Variants in FAM193A observed in about 807,000 individuals in gnomAD.
FAM193A encodes protein FAM193A.
A neutral mutation model predicts 126.5 loss-of-function variants in FAM193A; 22 were observed. The observed-to-expected ratio is 0.17, with a 90% CI of 0.12 to 0.25. The LOEUF (loss-of-function observed/expected upper bound fraction) is 0.25. Ranked by LOEUF, FAM193A falls within the 10% of genes least tolerant of loss-of-function variation. The probability of loss-of-function intolerance (pLI) is 1.00; values close to 1 mark genes in which losing one functional copy is unlikely to be tolerated. For missense variants in FAM193A, 1,675 were observed against 1,672.8 expected (o/e 1.00, Z -0.02); for synonymous variants, 761 against 646.8 (o/e 1.18, Z -2.68).
chr4:2,635,888 G>C (rs1198667665), intron 5 of FAM193A, among the ~76,000 whole-genome samples: 1 of 152,152 alleles, frequency 6.6e-6, no homozygotes, highest in Admixed American at 6.6e-5. Context: ...AGATCTCTCT[G>C]TAAAAGCAGT....
chr4:2,695,394 A>G (rs1225599346), intron 17 of FAM193A, among the ~76,000 whole-genome samples: 1 of 152,212 alleles, frequency 6.6e-6, no homozygotes, highest in Non-Finnish European at 1.5e-5. Context: ...GTTGTTAACC[A>G]TGGTGTATCC....
Position 2,631,139 on chromosome 4 carries a change from A to G in FAM193A, c.1008A>G (p.Ala336=), listed in dbSNP as rs1446693142. The G allele has an allele frequency of 6.2e-7, 1 of 1,612,896 alleles. No homozygotes were observed. The highest frequency in any genetic ancestry group is 8.5e-7 in the Non-Finnish European group (1 of 1,179,516). Residue 336 remains alanine, a synonymous_variant, in exon 5 of 21, where the codon GCA becomes GCG. Transcript: ENST00000637812. ...AGTACGGCGCCCTCTGCCAGGCCGC[A>G]CGCTCCATCAGCACCTTCCTTGGCA... The part of the protein sequence containing the change: ...LEEYGALCQA[A]RSISTFLGTL...
At chr4:2,543,882 A>C (rs1038243352) in intron 1 of FAM193A, among the ~76,000 whole-genome samples, 1 of 151,060 alleles carries the variant, frequency 6.6e-6, no homozygotes. Context: ...AAAAAAAAAA[A>C]AAAAAAAAAA....
intron 16 of FAM193A, 45 bp downstream of exon 16, chr4:2,693,919 G>C (rs1560577129): frequency 1.3e-6 from 2 of 1,575,420 alleles, no homozygotes; most frequent in East Asian, 2.2e-5. Context: ...TTTGGAAAAT[G>C]GGTGTTATGC....
chr4:2,725,891 TTTTTA>T (rs1303820017), intron 20 of FAM193A, among the ~76,000 whole-genome samples: 5 of 151,374 alleles, frequency 3.3e-5, no homozygotes, highest in Non-Finnish European at 4.4e-5. Context: ...TTTATTTTTA[TTTTTA>T]TTTTATTATT....
At chr4:2,583,876 A>C (rs1740086663) in intron 1 of FAM193A, among the ~76,000 whole-genome samples, 1 of 152,134 alleles carries the variant, frequency 6.6e-6, no homozygotes, top group Admixed American at 6.5e-5. Flanking sequence ...GCTGTTTTGC[A>C]CTGTAAGGTT....
At chr4:2,545,664 A>G (rs1391188826) in intron 1 of FAM193A, among the ~76,000 whole-genome samples, 1 of 152,180 alleles carries the variant, frequency 6.6e-6, no homozygotes, top group African/African-American at 2.4e-5. Flanking sequence ...AGAAATTAAC[A>G]TGTAGCAAAA....
chr4:2,716,461 T>C (rs1298560675), intron 20 of FAM193A, among the ~76,000 whole-genome samples: 1 of 151,660 alleles, frequency 6.6e-6, no homozygotes, highest in African/African-American at 2.4e-5. Context: ...TACTTAGACC[T>C]GTCGGATCAG....
chr4:2,673,286 G>A (rs76314880), intron 13 of FAM193A, among the ~76,000 whole-genome samples: 3,552 of 152,286 alleles, frequency 0.023, 57 homozygotes, highest in Middle Eastern at 0.048. Flanking sequence ...AAAGGGAGGA[G>A]GACATGACAT....
chr4:2,696,650 C>T lies in FAM193A; in HGVS notation c.3507+57C>T, dbSNP rs577846726. On this transcript the variant is annotated intron_variant, in intron 18 of 20. Coordinates refer to ENST00000637812, the MANE Select transcript of FAM193A (RefSeq NM_001366318.2). ...CAGGTCTGAGGGCATTTGAAGGTGC[C>T]GTGCCACGCCAGTCTCTAGGCAGGG... The T allele has an allele frequency of 6.9e-5, 94 of 1,356,814 alleles. No homozygotes were observed. The East Asian group carries it at 9.5e-4, about 14-fold the overall frequency. 84.0% of individuals were successfully genotyped at this position (1,356,814 alleles called of 1,614,324 possible).
At chr4:2,670,142 C>A (rs1459065240) in intron 12 of FAM193A, among the ~76,000 whole-genome samples, 1 of 152,212 alleles carries the variant, frequency 6.6e-6, no homozygotes, top group Non-Finnish European at 1.5e-5. Context: ...TCTCTTCTCT[C>A]TCTTCCTAGA....
chr4:2,677,426 G>T (rs1329319667), intron 13 of FAM193A, among the ~76,000 whole-genome samples: 1 of 151,120 alleles, frequency 6.6e-6, no homozygotes, highest in African/African-American at 2.5e-5. Flanking sequence ...GTTTTGTTTT[G>T]TTTTTGTTTT....
intron 1 of FAM193A, among the ~76,000 whole-genome samples, chr4:2,560,692 T>A (rs1229287548): frequency 1.3e-5 from 2 of 152,256 alleles, no homozygotes; most frequent in Non-Finnish European, 2.9e-5. Flanking sequence ...TACGTTATCT[T>A]GAGGCTTCTG....
chr4:2,639,105 A>G (rs748697612), intron 5 of FAM193A, among the ~76,000 whole-genome samples: 25 of 152,156 alleles, frequency 1.6e-4, no homozygotes, highest in East Asian at 5.8e-4. Flanking sequence ...AATGGCATCA[A>G]CCTCAGTGAT....
intron 1 of FAM193A, among the ~76,000 whole-genome samples, chr4:2,567,490 T>C (rs1161871923): frequency 6.6e-6 from 1 of 152,196 alleles, no homozygotes; most frequent in Non-Finnish European, 1.5e-5. Flanking sequence ...TCAACCAAGA[T>C]TTTTAAAATA....
chr4:2,668,306 C>T (rs1324895586), intron 12 of FAM193A, among the ~76,000 whole-genome samples: 1 of 151,600 alleles, frequency 6.6e-6, no homozygotes, highest in Non-Finnish European at 1.5e-5. Flanking sequence ...CTCTGCTTCC[C>T]AGGTTCAAGT....
chr4:2,700,726 C>G (rs1352738990), intron 19 of FAM193A, among the ~76,000 whole-genome samples, 182 bp downstream of exon 19: 1 of 152,074 alleles, frequency 6.6e-6, no homozygotes, highest in Non-Finnish European at 1.5e-5. Flanking sequence ...TTTGTGAGGC[C>G]AGGGTGGGCA....
chr4:2,612,806 C>G (rs1741956889), intron 2 of FAM193A, among the ~76,000 whole-genome samples: 1 of 152,196 alleles, frequency 6.6e-6, no homozygotes, highest in Non-Finnish European at 1.5e-5. Context: ...CAGTACCATA[C>G]TATCCTGATT....
At chr4:2,571,008 G>T (rs1215328025) in intron 1 of FAM193A, among the ~76,000 whole-genome samples, 1 of 152,144 alleles carries the variant, frequency 6.6e-6, no homozygotes, top group Non-Finnish European at 1.5e-5. Context: ...GTGGGTGGGG[G>T]TGTGGGCAGC....
Sources: gnomAD v4.1 joint callset for allele counts (sites outside exome capture counted in the v4.1 genomes callset) on GRCh38, gnomAD v4.1.1 for gene constraint, MANE v1.5 for transcripts, NCBI Gene and HGNC (gene_info 2026-07-23, HGNC 2026-07-21) for gene names.